The following ACER2 variants were observed in gnomAD, a reference collection of about 807,000 sequenced individuals.
ACER2 encodes the protein alkCDase 2.
Under a neutral mutation model 34.7 loss-of-function variants are expected in ACER2, and 26 were observed. The observed-to-expected ratio is 0.75, with a 90% CI of 0.55 to 1.04. The LOEUF (loss-of-function observed/expected upper bound fraction) is 1.04. Among genes scored for constraint, ACER2 ranks in the 50% least tolerant of loss-of-function variants. ACER2 has a pLI of 0.00. For missense variants in ACER2, 352 were observed against 340.8 expected (o/e 1.03, Z -0.26); for synonymous variants, 138 against 132.1 (o/e 1.04, Z -0.31).
At chr9:19,430,852 G>T (rs906509194) in intron 3 of ACER2, among the ~76,000 whole-genome samples, 6 of 152,050 alleles carry the variant, frequency 3.9e-5, no homozygotes, top group Non-Finnish European at 8.8e-5. Flanking sequence ...CAGCTACTCC[G>T]GAGGCTGAGG....
Position 19,424,749 on chromosome 9 carries a change from G to T in ACER2, c.273G>T (p.Met91Ile), listed in dbSNP as rs1223231180. 1 of 1,614,116 alleles carries T rather than the reference G, an allele frequency of 6.2e-7. No individual in the cohort carries two copies. Among genetic ancestry groups the T allele is most frequent in the Non-Finnish European group, 8.5e-7 (1 of 1,180,036 alleles). Residue 91 changes from methionine (M) to isoleucine (I), a missense_variant, in exon 3 of 6, where the codon ATG becomes ATT. Transcript: ENST00000340967. Reference protein sequence around the residue: ...FHATLSFLGQMLDELAVLWVL... With the variant: ...FHATLSFLGQILDELAVLWVL... ...CAACCCTTAGTTTCTTGGGTCAGAT[G>T]CTTGATGAACTTGCAGTCCTTTGGG...
chr9:19,436,330 C>T (rs1427137699), intron 4 of ACER2, among the ~76,000 whole-genome samples: 2 of 152,042 alleles, frequency 1.3e-5, no homozygotes, highest in African/African-American at 4.8e-5. Flanking sequence ...TATCAAGTAG[C>T]TCATATTTTT....
chr9:19,449,218 C>T (rs989662813), intron 5 of ACER2, among the ~76,000 whole-genome samples: 3 of 152,230 alleles, frequency 2.0e-5, no homozygotes, highest in African/African-American at 4.8e-5. Flanking sequence ...CTATGTGCCA[C>T]TTATGCATAT....
Position 19,446,176 on chromosome 9 carries a change from G to A in ACER2, c.504-105G>A, listed in dbSNP as rs749372773. 5 of 1,508,510 alleles carry A rather than the reference G, an allele frequency of 3.3e-6. No homozygotes were observed. The Admixed American group carries it at 8.4e-5, about 25-fold the overall frequency. The allele number at this position is 1,508,510 out of a possible 1,614,324, so 93.4% of individuals were successfully genotyped here. On this transcript the variant is annotated intron_variant, in intron 4 of 5. Transcript: ENST00000340967. ...TTGGGTAAGAACTTCAGTGTCTTGG[G>A]GTTGTAGGCATGAGAGGAACCAGCG...
rs1831575547 is a variant in ACER2 at position 19,451,706 on chromosome 9, T to C, written c.*1070T>C. ...GACCCACCATCTTTAAGACTTGACC[T>C]CTGTAAGTTTACCAAAGGGCTCCTC... is the stretch of plus-strand genomic sequence containing the variant. On this transcript the variant is annotated 3_prime_UTR_variant, in exon 6 of 6. Transcript: ENST00000340967. The C allele has an allele frequency of 6.6e-6, 1 of 152,210 alleles. No homozygotes were observed. Among genetic ancestry groups the C allele is most frequent in the South Asian group, 2.1e-4 (1 of 4,824 alleles). The allele number at this position is 152,210 out of a possible 1,614,324, so 9.4% of individuals were successfully genotyped here.
At chr9:19,444,496 C>T (rs1455800304) in intron 4 of ACER2, among the ~76,000 whole-genome samples, 2 of 152,196 alleles carry the variant, frequency 1.3e-5, no homozygotes, top group Non-Finnish European at 2.9e-5. Flanking sequence ...CAGGCTTGAG[C>T]CACCGCGCCC....
intron 1 of ACER2, among the ~76,000 whole-genome samples, chr9:19,422,142 A>T (rs987634519): frequency 6.6e-6 from 1 of 150,890 alleles, no homozygotes; most frequent in Non-Finnish European, 1.5e-5. Flanking sequence ...AAAAAATTAT[A>T]ATAATAAATA....
intron 4 of ACER2, among the ~76,000 whole-genome samples, chr9:19,438,318 A>G (rs1052404369): frequency 6.6e-6 from 1 of 152,196 alleles, no homozygotes; most frequent in African/African-American, 2.4e-5. Flanking sequence ...TTTCCTTGCC[A>G]CTATGTTTCA....
rs1831543577 is a variant in ACER2 at position 19,450,718 on chromosome 9, C to T, written c.*82C>T. On this transcript the variant is annotated 3_prime_UTR_variant, in exon 6 of 6. Coordinates refer to ENST00000340967, the MANE Select transcript of ACER2 (RefSeq NM_001010887.3). ...TGCTAGGAAGACAGCCAAGGGAGTT[C>T]GAATAGTTGGGGTGTGGGCTATCTT... The T allele has an allele frequency of 5.2e-6, 7 of 1,340,768 alleles. No individual in the cohort carries two copies. The highest frequency in any genetic ancestry group is 1.9e-5 in the South Asian group (1 of 51,380). The allele number at this position is 1,340,768 out of a possible 1,614,324, so 83.1% of individuals were successfully genotyped here. A position where few individuals can be genotyped will look rare whatever the true frequency, so the allele number is the denominator to read the frequency against.
chr9:19,414,051 A>G (rs1830165885), intron 1 of ACER2, among the ~76,000 whole-genome samples: 1 of 152,224 alleles, frequency 6.6e-6, no homozygotes, highest in Non-Finnish European at 1.5e-5. Flanking sequence ...GGATTGATGT[A>G]CTGTGAGGAT....
intron 5 of ACER2, among the ~76,000 whole-genome samples, chr9:19,447,537 A>G (rs1300593957): frequency 6.6e-6 from 1 of 152,230 alleles, no homozygotes; most frequent in Non-Finnish European, 1.5e-5. Context: ...GTGAATTTAT[A>G]TAGTTTATAT....
At chr9:19,411,896 C>T (rs561759624) in intron 1 of ACER2, among the ~76,000 whole-genome samples, 1 of 152,284 alleles carries the variant, frequency 6.6e-6, no homozygotes, top group East Asian at 1.9e-4. Context: ...GTACTGTATA[C>T]TCATTCTAGA....
At chr9:19,421,562 A>G (rs1467849498) in intron 1 of ACER2, among the ~76,000 whole-genome samples, 3 of 152,200 alleles carry the variant, frequency 2.0e-5, no homozygotes, top group African/African-American at 4.8e-5. Flanking sequence ...CATAAAGACA[A>G]AAGGCAGATT....
At chr9:19,413,324 C>T (rs902401112) in intron 1 of ACER2, among the ~76,000 whole-genome samples, 17 of 152,246 alleles carry the variant, frequency 1.1e-4, no homozygotes, top group South Asian at 6.2e-4. Flanking sequence ...CCTGGCTGGG[C>T]GCGGTGGCTC....
At chr9:19,428,270 T>A (rs932237819) in intron 3 of ACER2, among the ~76,000 whole-genome samples, 1 of 150,700 alleles carries the variant, frequency 6.6e-6, no homozygotes, top group Non-Finnish European at 1.5e-5. Context: ...CAGGTTCAAG[T>A]GATTCTCCTG....
intron 3 of ACER2, among the ~76,000 whole-genome samples, chr9:19,433,791 C>A (rs1001519565): frequency 6.6e-6 from 1 of 150,836 alleles, no homozygotes; most frequent in African/African-American, 2.4e-5. Flanking sequence ...GGGCTGACCC[C>A]CCCACCTCCT....
At chr9:19,418,742 TAGATGATG>T (rs750860808) in intron 1 of ACER2, among the ~76,000 whole-genome samples, 2 of 152,110 alleles carry the variant, frequency 1.3e-5, no homozygotes, top group Admixed American at 6.6e-5. Context: ...ATACCTAATG[TAGATGATG>T]GGTTGATGGG....
intron 3 of ACER2, among the ~76,000 whole-genome samples, chr9:19,429,344 T>G (rs34711179): frequency 0.02 from 2,986 of 152,262 alleles, 59 homozygotes; most frequent in Non-Finnish European, 0.024. Flanking sequence ...TTTGTTTTGT[T>G]TTTTGGAGAC....
chr9:19,429,477 G>T (rs1830684211), intron 3 of ACER2, among the ~76,000 whole-genome samples: 1 of 151,966 alleles, frequency 6.6e-6, no homozygotes, highest in Non-Finnish European at 1.5e-5. Context: ...GACCACAGCT[G>T]CCTGTCACTG....
Sources: gnomAD v4.1 joint callset for allele counts (sites outside exome capture counted in the v4.1 genomes callset) on GRCh38, gnomAD v4.1.1 for gene constraint, MANE v1.5 for transcripts, NCBI Gene and HGNC (gene_info 2026-07-23, HGNC 2026-07-21) for gene names.